The following HHIPL1 variants were observed in gnomAD, a reference collection of about 807,000 sequenced individuals.
The protein encoded by HHIPL1 is HHIP-like protein 1.
Under a neutral mutation model 61.8 loss-of-function variants are expected in HHIPL1, and 43 were observed. The ratio of observed to expected loss-of-function variants is 0.70; its 90% CI spans 0.55 to 0.90. The LOEUF is 0.90. Among genes scored for constraint, HHIPL1 ranks in the 40% least tolerant of loss-of-function variants. The pLI is 0.00. For synonymous variants in HHIPL1, 482 were observed against 515.8 expected, an observed-to-expected ratio of 0.93 and a Z score of 0.89; for missense variants, 1,056 against 1,157.7, an observed-to-expected ratio of 0.91 and a Z score of 1.28.
chr14:99,628,527 G>A, the HHIPL1 span, among the ~76,000 whole-genome samples: 12 of 146,094 alleles, frequency 8.2e-5, no homozygotes, highest in South Asian at 8.8e-4. Context: ...GTTGCAGTGA[G>A]TTGAGATCAT....
chr14:99,644,100 G>A (rs1002916723), upstream of HHIPL1, among the ~76,000 whole-genome samples: 10 of 152,178 alleles, frequency 6.6e-5, no homozygotes, highest in African/African-American at 2.4e-4. Flanking sequence ...GTTCAGGCCA[G>A]AGCCACAGAC....
chr14:99,637,224 G>T, the HHIPL1 span, among the ~76,000 whole-genome samples: 351 of 136,050 alleles, frequency 2.6e-3, 1 homozygote, highest in Non-Finnish European at 4.3e-3. Context: ...AAGAAAGAAA[G>T]AAAGAAAGAA....
intron 1 of HHIPL1, among the ~76,000 whole-genome samples, chr14:99,651,514 T>C (rs2055929632): frequency 2.0e-5 from 3 of 152,148 alleles, no homozygotes; most frequent in Non-Finnish European, 4.4e-5. Context: ...ACTCACTCGC[T>C]CTACAGTACC....
chr14:99,635,083 G>A, the HHIPL1 span, among the ~76,000 whole-genome samples: 18 of 152,270 alleles, frequency 1.2e-4, no homozygotes, highest in Admixed American at 1.2e-3. Flanking sequence ...AGGATCTAGT[G>A]GGTTTGGGGT....
chr14:99,660,434 T>A lies in HHIPL1; in HGVS notation c.1502+28T>A, dbSNP rs780935798. 2.1e-5 allele frequency: 33 copies of A among 1,597,960 alleles called. No individual in the cohort carries two copies. In the East Asian group the frequency reaches 6.7e-4, roughly 33 times the overall value. ...AAGTGACCTAGTGCCCTCGCGCCCC[T>A]GGCTGCTGCCACTGGCTCCTTGGGA... On this transcript the variant is annotated intron_variant, in intron 5 of 8. Transcript: ENST00000330710. This position sits in a 1 kb window ranked among gnomAD's most constrained non-coding sequence, Gnocchi z 4.9.
the HHIPL1 span, among the ~76,000 whole-genome samples, chr14:99,610,687 G>T: frequency 6.6e-6 from 1 of 152,088 alleles, no homozygotes. Context: ...CTTGAACCCG[G>T]GAGGCAGAGG....
At chr14:99,622,375 G>T in the HHIPL1 span, among the ~76,000 whole-genome samples, 78 of 152,190 alleles carry the variant, frequency 5.1e-4, no homozygotes, top group African/African-American at 1.9e-3. Context: ...GAGAGTCGTG[G>T]CCTCCCCTCA....
the HHIPL1 span, among the ~76,000 whole-genome samples, chr14:99,604,895 C>T: frequency 1.1e-4 from 17 of 152,242 alleles, no homozygotes; most frequent in African/African-American, 3.8e-4. Flanking sequence ...TCCCTGCCCC[C>T]AGGCTCCTCC....
the HHIPL1 span, among the ~76,000 whole-genome samples, chr14:99,607,021 C>CTTTTTTTTT: frequency 1.3e-3 from 88 of 68,422 alleles, 16 homozygotes; most frequent in South Asian, 3.3e-3. Flanking sequence ...GTGACTTTGC[C>CTTTTTTTTT]TTTTTTTTTT....
the HHIPL1 span, chr14:99,604,564 G>C: frequency 1.3e-5 from 2 of 152,174 alleles, no homozygotes; most frequent in East Asian, 3.9e-4. Context: ...TCTGCGCCCG[G>C]AGGACGCGGC....
the HHIPL1 span, among the ~76,000 whole-genome samples, chr14:99,637,510 T>G: frequency 2.0e-5 from 3 of 151,416 alleles, no homozygotes; most frequent in Admixed American, 6.6e-5. Flanking sequence ...AGGCGGAGGT[T>G]GCAGTGAGCT....
At chr14:99,634,345 T>TC in the HHIPL1 span, among the ~76,000 whole-genome samples, 1,606 of 152,116 alleles carry the variant, frequency 0.011, 21 homozygotes, top group African/African-American at 0.034. Context: ...GATGAGGAAG[T>TC]CCCCCGTGAC....
Position 99,669,025 on chromosome 14 carries a change from C to T in HHIPL1, c.1730+722C>T, listed in dbSNP as rs964780119. 9.5e-6 allele frequency: 14 copies of T among 1,481,102 alleles called. No individual in the cohort carries two copies. The South Asian group carries it at 1.0e-4, about 11-fold the overall frequency. 91.7% of individuals were successfully genotyped at this position (1,481,102 alleles called of 1,614,324 possible). On this transcript the variant is annotated intron_variant, in intron 7 of 8. Coordinates refer to ENST00000330710, the MANE Select transcript of HHIPL1 (RefSeq NM_001127258.3). The stretch of plus-strand genomic sequence containing the variant: ...CTGCCCTAACCCCTTGGCTGTGTGC[C>T]TTCACCTCACCCTCTTCAAGCACCT...
rs543736993 is a variant in HHIPL1, at chr14:99,675,825, G to T, written c.*199G>T. 1.0e-4 allele frequency: 51 copies of T among 488,154 alleles called. No homozygotes were observed. The East Asian group carries it at 1.4e-3, about 13-fold the overall frequency. The allele number at this position is 488,154 out of a possible 1,614,324, so 30.2% of individuals were successfully genotyped here. A position where few individuals can be genotyped will look rare whatever the true frequency, so the allele number is the denominator to read the frequency against. On this transcript the variant is annotated 3_prime_UTR_variant, in exon 9 of 9. Coordinates refer to ENST00000330710, the MANE Select transcript of HHIPL1 (RefSeq NM_001127258.3). The surrounding 1 kb of genome is among the most constrained non-coding windows in gnomAD (Gnocchi z 5.4). ...CAAGGCAGGAGTGTGTGTTGGGGGC[G>T]GTGTGGGCTCTGGAAGTGCATGGTC...
chr14:99,627,797 A>G, the HHIPL1 span, among the ~76,000 whole-genome samples: 1 of 152,244 alleles, frequency 6.6e-6, no homozygotes. The surrounding 1 kb of genome is among the most constrained non-coding windows in gnomAD (Gnocchi z 4.4). Context: ...CAGCCCAGAC[A>G]GAGGCAGCAG....
intron 6 of HHIPL1, among the ~76,000 whole-genome samples, chr14:99,667,037 C>A (rs1177653401): frequency 6.8e-6 from 1 of 146,624 alleles, no homozygotes; most frequent in Non-Finnish European, 1.5e-5. Context: ...GATATGCTTT[C>A]CTCCAACCTA....
the HHIPL1 span, among the ~76,000 whole-genome samples, chr14:99,614,575 G>A: frequency 6.6e-6 from 1 of 152,170 alleles, no homozygotes; most frequent in Non-Finnish European, 1.5e-5. Flanking sequence ...CAGAATCTTG[G>A]GAGACAGTGA....
In HHIPL1 at chr14:99,662,024, C is replaced by G. The variant is rs190759628; in HGVS notation, c.1503-852C>G. ...ACAGATGAAGCCTCTGTTTTTACCC[C>G]TGATTCTCCTTTCTCCCTTCTGTCC... is the stretch of plus-strand genomic sequence containing the variant. On this transcript the variant is annotated intron_variant, in intron 5 of 8. Coordinates refer to ENST00000330710, the MANE Select transcript of HHIPL1 (RefSeq NM_001127258.3). Among the ~76,000 whole-genome samples the G allele has an allele frequency of 8.9e-4, 136 of 152,252 alleles. 1 individual carries two copies. Among genetic ancestry groups the G allele is most frequent in the Non-Finnish European group, 1.1e-3 (74 of 68,024 alleles).
chr14:99,611,093 A>G, the HHIPL1 span, among the ~76,000 whole-genome samples: 1 of 152,144 alleles, frequency 6.6e-6, no homozygotes, highest in Non-Finnish European at 1.5e-5. Context: ...CATTGCATGC[A>G]TATATTACCT....
Sources: gnomAD v4.1 joint callset for allele counts (sites outside exome capture counted in the v4.1 genomes callset) on GRCh38, gnomAD v4.1.1 for gene constraint, Gnocchi (gnomAD v3.1) non-coding constraint, MANE v1.5 for transcripts, NCBI Gene and HGNC (gene_info 2026-07-23, HGNC 2026-07-21) for gene names.